Variants in AGAP1 observed in about 807,000 individuals in gnomAD.
AGAP1 encodes the protein ArfGAP with GTPase domain, ankyrin repeat and PH domain 1.
Under a neutral mutation model 105.3 loss-of-function variants are expected in AGAP1, and 29 were observed. The ratio of observed to expected loss-of-function variants is 0.28; its 90% CI spans 0.21 to 0.38. The LOEUF (loss-of-function observed/expected upper bound fraction) is 0.38. AGAP1 is among the 10% of genes least tolerant of loss of function. The pLI, the probability that AGAP1 is intolerant of heterozygous loss-of-function variation, is 1.00. For synonymous variants in AGAP1, 509 were observed against 485.9 expected (o/e 1.05, Z -0.63); for missense variants, 998 against 1,165.1 (o/e 0.86, Z 2.09).
chr2:236,026,355 A>G (rs2057053235), intron 13 of AGAP1, among the ~76,000 whole-genome samples: 2 of 152,242 alleles, frequency 1.3e-5, no homozygotes, highest in South Asian at 4.1e-4. Flanking sequence ...TGGAAGGCCC[A>G]GAGGACCACC....
chr2:235,581,280 C>T (rs374289476), intron 1 of AGAP1, among the ~76,000 whole-genome samples: 8 of 150,536 alleles, frequency 5.3e-5, no homozygotes, highest in African/African-American at 2.0e-4. Flanking sequence ...GCTCTCTAGC[C>T]TGGGTGACAA....
At chr2:236,065,352 ACT>A (rs1333017722) in intron 16 of AGAP1, among the ~76,000 whole-genome samples, 1 of 151,848 alleles carries the variant, frequency 6.6e-6, no homozygotes, top group Non-Finnish European at 1.5e-5. Context: ...CCTGCTTGTG[ACT>A]CTGCATTCGA....
At chr2:235,674,385 C>T (rs1948610001) in intron 1 of AGAP1, among the ~76,000 whole-genome samples, 2 of 152,190 alleles carry the variant, frequency 1.3e-5, no homozygotes, top group South Asian at 4.2e-4. Flanking sequence ...TGTAGGGGGT[C>T]CCCTTGCAGC....
intron 9 of AGAP1, among the ~76,000 whole-genome samples, chr2:235,832,528 A>G (rs942810556): frequency 1.7e-4 from 26 of 152,356 alleles, no homozygotes; most frequent in Non-Finnish European, 8.8e-5. Context: ...GCACTTTTAT[A>G]CATTGTATGA....
chr2:235,799,279 C>T lies in AGAP1; in HGVS notation c.802-88C>T. On this transcript the variant is annotated intron_variant, in intron 7 of 17. Transcript: ENST00000304032. This position sits in a 1 kb window ranked among gnomAD's most constrained non-coding sequence, Gnocchi z 5.0. ...ATGCATCCCTTCCATGGGGCTCATGCTCACTTGTTGGTTATGACCTTGCCT... is the reference window on the plus strand; with the variant it reads ...ATGCATCCCTTCCATGGGGCTCATGTTCACTTGTTGGTTATGACCTTGCCT... 6.8e-7 allele frequency: 1 copy of T among 1,470,512 alleles called. No individual in the cohort carries two copies. The highest frequency in any genetic ancestry group is 9.3e-7 in the Non-Finnish European group (1 of 1,074,898). The allele number at this position is 1,470,512 out of a possible 1,614,324, so 91.1% of individuals were successfully genotyped here.
At chr2:235,881,580 A>C (rs1359899933) in intron 9 of AGAP1, among the ~76,000 whole-genome samples, 1 of 152,212 alleles carries the variant, frequency 6.6e-6, no homozygotes, top group African/African-American at 2.4e-5. Context: ...GAGACTCCCG[A>C]TGTGAACGCT....
chr2:235,560,206 A>G (rs181949017), intron 1 of AGAP1, among the ~76,000 whole-genome samples: 2 of 152,160 alleles, frequency 1.3e-5, no homozygotes, highest in Admixed American at 1.3e-4. Flanking sequence ...GGAAAATGAA[A>G]TTCTATTAAT....
chr2:235,755,936 A>G (rs986919065), intron 6 of AGAP1, among the ~76,000 whole-genome samples: 4 of 152,186 alleles, frequency 2.6e-5, no homozygotes, highest in Admixed American at 6.5e-5. Context: ...CACCTAAAAT[A>G]GTTATAACTT....
Position 235,976,042 on chromosome 2 carries a change from G to A in AGAP1, c.1645+7419G>A, listed in dbSNP as rs771066002. Among the ~76,000 whole-genome samples the A allele has an allele frequency of 5.9e-5, 9 of 152,034 alleles. No homozygotes were observed. The highest frequency in any genetic ancestry group is 1.3e-4 in the Admixed American group (2 of 15,274). On this transcript the variant is annotated intron_variant, in intron 13 of 17. Transcript: ENST00000304032. The surrounding 1 kb of genome is among the most constrained non-coding windows in gnomAD (Gnocchi z 4.5). ...GGAGATACACTGGAAATGCAGTAGC[G>A]AATGTGGAAAACCAAGAATCAGAAC...
chr2:235,725,532 A>T lies in AGAP1; in HGVS notation c.310+7888A>T, dbSNP rs568192010. 5.9e-4 allele frequency among the ~76,000 whole-genome samples: 90 copies of T among 151,926 alleles called. 1 individual carries two copies. The highest frequency in any genetic ancestry group is 2.1e-3 in the African/African-American group (86 of 41,430). On this transcript the variant is annotated intron_variant, in intron 3 of 17. Coordinates refer to ENST00000304032, the MANE Select transcript of AGAP1 (RefSeq NM_001037131.3). This position sits in a 1 kb window ranked among gnomAD's most constrained non-coding sequence, Gnocchi z 5.7. Reference sequence around the variant, plus strand: ...GAAAAAAAAAAAAAACACCTGTAATACTCCAGTAACATTTGACTAGTCGTG... The same window carrying T: ...GAAAAAAAAAAAAAACACCTGTAATTCTCCAGTAACATTTGACTAGTCGTG...
chr2:236,087,299 G>A lies in AGAP1; in HGVS notation c.2115-32893G>A, dbSNP rs115868974. ...GGGGTCGAGGTGGGAATGAGAGGAAGCCAGAGCCCGGGGTGGGGGCGGGAG... is the reference window on the plus strand; with the variant it reads ...GGGGTCGAGGTGGGAATGAGAGGAAACCAGAGCCCGGGGTGGGGGCGGGAG... On this transcript the variant is annotated intron_variant, in intron 16 of 17. Transcript: ENST00000304032. The surrounding 1 kb of genome is among the most constrained non-coding windows in gnomAD (Gnocchi z 5.7). Among the ~76,000 whole-genome samples, 1,131 of 152,110 alleles carry A rather than the reference G, an allele frequency of 7.4e-3. 11 individuals are homozygous for A. The highest frequency in any genetic ancestry group is 0.025 in the African/African-American group (1,058 of 41,500).
chr2:235,614,486 A>G lies in AGAP1; in HGVS notation c.164-94693A>G, dbSNP rs1328335849. Among the ~76,000 whole-genome samples the G allele has an allele frequency of 1.3e-5, 2 of 152,076 alleles. No homozygotes were observed. The highest frequency in any genetic ancestry group is 2.9e-5 in the Non-Finnish European group (2 of 68,008). ...GCAGTTGTAGCTCAAGGGAGAGAAA[A>G]GGCAAGGAGAAACATGGCGAGGGGT... On this transcript the variant is annotated intron_variant, in intron 1 of 17. Transcript: ENST00000304032. This position sits in a 1 kb window ranked among gnomAD's most constrained non-coding sequence, Gnocchi z 4.7.
At chr2:235,589,194 G>GTTTGTTTTTT (rs1945238178) in intron 1 of AGAP1, among the ~76,000 whole-genome samples, 1 of 59,584 alleles carries the variant, frequency 1.7e-5, no homozygotes, top group Non-Finnish European at 2.9e-5. Context: ...TTATTGTTTT[G>GTTTGTTTTTT]TTTTTTTTTT....
intron 9 of AGAP1, among the ~76,000 whole-genome samples, chr2:235,833,757 C>T (rs1409318360): frequency 1.3e-5 from 2 of 151,804 alleles, no homozygotes; most frequent in African/African-American, 4.8e-5. Context: ...TGGGATCACA[C>T]ACTTACATGT....
intron 1 of AGAP1, among the ~76,000 whole-genome samples, chr2:235,525,467 G>C (rs1029326543): frequency 6.6e-6 from 1 of 152,072 alleles, no homozygotes; most frequent in East Asian, 1.9e-4. Context: ...ACATAACGTG[G>C]AGGACTGATA....
chr2:235,892,953 G>A (rs971505782), intron 10 of AGAP1, among the ~76,000 whole-genome samples: 3 of 152,244 alleles, frequency 2.0e-5, no homozygotes, highest in Non-Finnish European at 2.9e-5. Context: ...TGAGAAGAGC[G>A]TAGTCAGACA....
At position 235,993,671 on chromosome 2, in the gene AGAP1, A is replaced by G. The variant is rs924397301; in HGVS notation, c.1645+25048A>G. Among the ~76,000 whole-genome samples the G allele has an allele frequency of 1.3e-5, 2 of 152,180 alleles. No homozygotes were observed. The highest frequency in any genetic ancestry group is 2.4e-5 in the African/African-American group (1 of 41,438). ...TCCCTGTTGGAGTTTTTGCTGCCCA[A>G]TACCAAATTAAGGGCTCTGAGGAAC... On this transcript the variant is annotated intron_variant, in intron 13 of 17. Transcript: ENST00000304032. The surrounding 1 kb of genome is among the most constrained non-coding windows in gnomAD (Gnocchi z 5.0).
At chr2:235,709,797 TA>T (rs34924540) in intron 2 of AGAP1, among the ~76,000 whole-genome samples, 2 of 152,186 alleles carry the variant, frequency 1.3e-5, no homozygotes, top group African/African-American at 4.8e-5. Flanking sequence ...TTGGCACGTG[TA>T]AAAAGTGGTC....
chr2:235,526,672 T>C (rs71361987), intron 1 of AGAP1, among the ~76,000 whole-genome samples: 9 of 151,796 alleles, frequency 5.9e-5, no homozygotes, highest in Non-Finnish European at 1.0e-4. Context: ...TACAAAATTA[T>C]TGTGTGTATT....
Sources: allele counts gnomAD v4.1 joint callset (sites outside exome capture counted in the v4.1 genomes callset), GRCh38; gene constraint gnomAD v4.1.1; non-coding constraint Gnocchi (gnomAD v3.1); transcripts MANE v1.5; gene names NCBI Gene and HGNC (gene_info 2026-07-23, HGNC 2026-07-21).